The following PRRC2B variants were observed in gnomAD, a reference collection of about 807,000 sequenced individuals.
PRRC2B encodes the protein protein PRRC2B.
In PRRC2B, 68 loss-of-function variants were observed where a neutral mutation model predicts 242.3. The observed-to-expected ratio is 0.28, with a 90% CI of 0.23 to 0.34. The LOEUF (loss-of-function observed/expected upper bound fraction) is 0.34. Among genes scored for constraint, PRRC2B ranks in the 10% least tolerant of loss-of-function variants. The pLI is 1.00. For missense variants in PRRC2B, 2,835 were observed against 2,954.8 expected, an observed-to-expected ratio of 0.96 and a Z score of 0.94; for synonymous variants, 1,228 against 1,173.6, an observed-to-expected ratio of 1.05 and a Z score of -0.95.
chr9:131,454,550 G>T (rs1014415585), intron 9 of PRRC2B, among the ~76,000 whole-genome samples: 2 of 152,148 alleles, frequency 1.3e-5, no homozygotes, highest in Non-Finnish European at 2.9e-5. Context: ...CAGCCAGGTG[G>T]TTGACTCAGC....
intron 1 of PRRC2B, among the ~76,000 whole-genome samples, chr9:131,412,213 T>G (rs1837525751): frequency 6.6e-6 from 1 of 152,222 alleles, no homozygotes; most frequent in African/African-American, 2.4e-5. Context: ...GACAGGCTTC[T>G]GTTTGTTCTA....
At position 131,482,658 on chromosome 9, in the gene PRRC2B, G is replaced by T. The variant is rs1943902562; in HGVS notation, c.5176-52G>T. 2 of 1,522,932 alleles carry T rather than the reference G, an allele frequency of 1.3e-6. No homozygotes were observed. Among genetic ancestry groups the T allele is most frequent in the Non-Finnish European group, 1.8e-6 (2 of 1,133,152 alleles). 94.3% of individuals were successfully genotyped at this position (1,522,932 alleles called of 1,614,324 possible). ...AATTCCTGGGACAGTAGAAGCTAGAGAGTGTGGTCATTCCAGTCTGTGTGT... is the reference window on the plus strand; with the variant it reads ...AATTCCTGGGACAGTAGAAGCTAGATAGTGTGGTCATTCCAGTCTGTGTGT... On this transcript the variant is annotated intron_variant, in intron 21 of 31. Coordinates refer to ENST00000683519, the MANE Select transcript of PRRC2B (RefSeq NM_013318.4). The surrounding 1 kb of genome is among the most constrained non-coding windows in gnomAD (Gnocchi z 5.2).
chr9:131,386,316 G>C (rs1035345150), intron 1 of PRRC2B, among the ~76,000 whole-genome samples: 3 of 150,114 alleles, frequency 2.0e-5, no homozygotes, highest in African/African-American at 7.3e-5. Context: ...GCATCTCACT[G>C]TTGCCTATGC....
intron 1 of PRRC2B, among the ~76,000 whole-genome samples, chr9:131,373,919 C>T (rs2131259357): frequency 6.6e-6 from 1 of 152,212 alleles, no homozygotes; most frequent in East Asian, 1.9e-4. Context: ...ATTAGCAGGG[C>T]GCGGTGGCGG....
In PRRC2B at chr9:131,474,928, G is replaced by T; in HGVS notation, c.2799G>T (p.Thr933=). The change falls in exon 16 of 32, where the codon ACG becomes ACT. Residue 933 remains threonine, a synonymous_variant. Coordinates refer to ENST00000683519, the MANE Select transcript of PRRC2B (RefSeq NM_013318.4). The part of the protein sequence containing the change: ...RSSSSQHPEQ[T]GRTRRSGPIK... Reference sequence around the variant, plus strand: ...CCAGCAGCCAGCACCCGGAGCAGACGGGCAGGACCCGGAGGTCGGGACCCA... The same window carrying T: ...CCAGCAGCCAGCACCCGGAGCAGACTGGCAGGACCCGGAGGTCGGGACCCA... 4 of 1,595,158 alleles carry T rather than the reference G, an allele frequency of 2.5e-6. No individual in the cohort carries two copies. Among genetic ancestry groups the T allele is most frequent in the East Asian group, 2.3e-5 (1 of 43,730 alleles).
chr9:131,403,719 T>C (rs996233019), intron 1 of PRRC2B, among the ~76,000 whole-genome samples: 40 of 151,932 alleles, frequency 2.6e-4, no homozygotes, highest in Non-Finnish European at 4.6e-4. Flanking sequence ...AATGAAAGCT[T>C]TTCCCCAATG....
At chr9:131,387,137 G>A (rs1181807119) in intron 1 of PRRC2B, among the ~76,000 whole-genome samples, 1 of 150,224 alleles carries the variant, frequency 6.7e-6, no homozygotes, top group Non-Finnish European at 1.5e-5. Context: ...AAGTAGCTGG[G>A]ATTACAGGCA....
At chr9:131,468,670 C>G (rs566368840) in intron 13 of PRRC2B, among the ~76,000 whole-genome samples, 5 of 152,280 alleles carry the variant, frequency 3.3e-5, no homozygotes, top group Admixed American at 1.3e-4. Context: ...ATAGACATTA[C>G]TTAGTGCACA....
upstream of PRRC2B, among the ~76,000 whole-genome samples, chr9:131,391,007 G>A (rs139207178): frequency 0.017 from 2,571 of 151,638 alleles, 84 homozygotes; most frequent in African/African-American, 0.059. Flanking sequence ...GGCTGGTCTC[G>A]AACGCCTGAC....
chr9:131,419,363 C>T (rs1837737174), intron 1 of PRRC2B, among the ~76,000 whole-genome samples: 1 of 152,146 alleles, frequency 6.6e-6, no homozygotes, highest in Non-Finnish European at 1.5e-5. Context: ...GTACCAGCAC[C>T]CTTAAACTGT....
chr9:131,416,803 T>G (rs1220810742), intron 1 of PRRC2B, among the ~76,000 whole-genome samples: 1 of 152,198 alleles, frequency 6.6e-6, no homozygotes, highest in Non-Finnish European at 1.5e-5. Flanking sequence ...ATCCTGAGGT[T>G]ATGGGGTTTG....
At chr9:131,418,458 C>A (rs1316104870) in intron 1 of PRRC2B, among the ~76,000 whole-genome samples, 1 of 152,092 alleles carries the variant, frequency 6.6e-6, no homozygotes, top group Non-Finnish European at 1.5e-5. Flanking sequence ...TTTTTACCCC[C>A]CTGTGTTTTT....
chr9:131,402,464 A>G (rs1837252235), intron 1 of PRRC2B, among the ~76,000 whole-genome samples: 1 of 152,218 alleles, frequency 6.6e-6, no homozygotes, highest in Non-Finnish European at 1.5e-5. Flanking sequence ...TCTTATTTGC[A>G]TGTATCTACC....
intron 12 of PRRC2B, 40 bp downstream of exon 12, chr9:131,465,118 G>A (rs1564292441): frequency 6.4e-7 from 1 of 1,559,394 alleles, no homozygotes; most frequent in Non-Finnish European, 8.7e-7. Flanking sequence ...GGAAACCCTG[G>A]CCTGTTGTCC....
chr9:131,447,621 C>T (rs1838845462), intron 8 of PRRC2B, 41 bp from the exon 9 acceptor site: 4 of 1,526,954 alleles, frequency 2.6e-6, no homozygotes, highest in Non-Finnish European at 8.8e-7. Flanking sequence ...TTGCTTCCGT[C>T]TGTATACTGG....
At chr9:131,434,199 T>C (rs1199861368) in intron 3 of PRRC2B, among the ~76,000 whole-genome samples, 1 of 152,226 alleles carries the variant, frequency 6.6e-6, no homozygotes, top group Non-Finnish European at 1.5e-5. Flanking sequence ...GCTGCTGTCA[T>C]CATTCCATTC....
upstream of PRRC2B, among the ~76,000 whole-genome samples, chr9:131,389,222 G>T (rs1018669019): frequency 6.9e-6 from 1 of 144,826 alleles, no homozygotes; most frequent in African/African-American, 2.5e-5. Context: ...CTGGGATCAC[G>T]GCTTACCACA....
rs534341808 is a variant in PRRC2B, at chr9:131,476,622, G to A, written c.4406+87G>A. The A allele has an allele frequency of 5.9e-5, 75 of 1,262,018 alleles. 1 individual carries two copies. The African/African-American group carries it at 6.9e-4, about 12-fold the overall frequency. 78.2% of individuals were successfully genotyped at this position (1,262,018 alleles called of 1,614,324 possible). A position where few individuals can be genotyped will look rare whatever the true frequency, so the allele number is the denominator to read the frequency against. On this transcript the variant is annotated intron_variant, in intron 16 of 31. Transcript: ENST00000683519. ...TTCACGCATGCATGCCGATGCCGCC[G>A]TGTGTCGGGGCTGGGGGCCTGCCCC...
intron 14 of PRRC2B, among the ~76,000 whole-genome samples, chr9:131,472,303 GATTATT>G (rs912289657): frequency 2.0e-5 from 3 of 151,446 alleles, no homozygotes; most frequent in African/African-American, 7.3e-5. Context: ...TTGGGATGAT[GATTATT>G]ATTATTATTA....
Sources: allele counts gnomAD v4.1 joint callset (sites outside exome capture counted in the v4.1 genomes callset), GRCh38; gene constraint gnomAD v4.1.1; non-coding constraint Gnocchi (gnomAD v3.1); transcripts MANE v1.5; gene names NCBI Gene and HGNC (gene_info 2026-07-23, HGNC 2026-07-21).